The following P3H2 variants were observed in gnomAD, a reference collection of about 807,000 sequenced individuals.
The protein encoded by P3H2 is leprecan-like 1.
A neutral mutation model predicts 87.0 loss-of-function variants in P3H2; 80 were observed. That is an observed-to-expected ratio of 0.92 (90% CI 0.77 to 1.11). The LOEUF (loss-of-function observed/expected upper bound fraction) is 1.11, where lower values mean the gene tolerates loss of function less well. Among genes scored for constraint, P3H2 ranks in the 50% least tolerant of loss-of-function variants. The pLI is 0.00. For synonymous variants in P3H2, 367 were observed against 359.3 expected, an observed-to-expected ratio of 1.02 and a Z score of -0.24; for missense variants, 1,001 against 923.9, an observed-to-expected ratio of 1.08 and a Z score of -1.08.
intron 1 of P3H2, among the ~76,000 whole-genome samples, 196 bp downstream of exon 1, chr3:190,120,046 GAAAGAGAGAA>G (rs770237805): frequency 1.4e-4 from 22 of 152,342 alleles, no homozygotes; most frequent in Admixed American, 3.3e-4. Context: ...CTGGCTCTGA[GAAAGAGAGAA>G]AAAGACTTGT....
At chr3:190,052,186 C>A (rs1726004099) in intron 1 of P3H2, among the ~76,000 whole-genome samples, 1 of 152,124 alleles carries the variant, frequency 6.6e-6, no homozygotes, top group Non-Finnish European at 1.5e-5. Flanking sequence ...ACCTGTCATT[C>A]AGGTTCTAAG....
At chr3:189,988,120 G>T (rs1004979970) in intron 4 of P3H2, among the ~76,000 whole-genome samples, 5 of 152,146 alleles carry the variant, frequency 3.3e-5, no homozygotes, top group African/African-American at 1.2e-4. Flanking sequence ...GCAGTTTGTG[G>T]TAAACTGGTA....
rs1025379221 is a variant in P3H2, at chr3:189,969,229, G to C, written c.1893+1587C>G. 6.6e-6 allele frequency: 5 copies of C among 752,914 alleles called. No homozygotes were observed. In the Middle Eastern group the frequency reaches 7.1e-4, roughly 107 times the overall value. 46.6% of individuals were successfully genotyped at this position (752,914 alleles called of 1,614,324 possible). On this transcript the variant is annotated intron_variant, in intron 13 of 14. Transcript: ENST00000319332. The stretch of plus-strand genomic sequence containing the variant: ...ATAATCTGTCACCATGGCAATACTC[G>C]CATAACAAATTCCAGCCTCTTTAGT...
Position 190,104,043 on chromosome 3 carries a change from C to T in P3H2, c.480+16209G>A, listed in dbSNP as rs370753374. On this transcript the variant is annotated intron_variant, in intron 1 of 14. Coordinates refer to ENST00000319332, the MANE Select transcript of P3H2 (RefSeq NM_018192.4). ...ATGACCTCAAGTGATCTGCCAGCCT[C>T]GGCTTCCCAAAGTGCTGGAATTGCA... Among the ~76,000 whole-genome samples, 6 of 152,164 alleles carry T rather than the reference C, an allele frequency of 3.9e-5. No individual in the cohort carries two copies. In the East Asian group the frequency reaches 5.8e-4, roughly 15 times the overall value.
At chr3:189,999,683 C>T (rs1405906792) in intron 1 of P3H2, among the ~76,000 whole-genome samples, 1 of 152,002 alleles carries the variant, frequency 6.6e-6, no homozygotes, top group African/African-American at 2.4e-5. Context: ...GCGAGTAAGT[C>T]TAATATGGGG....
At position 189,964,020 on chromosome 3, in the gene P3H2, T is replaced by C; in HGVS notation, c.1972A>G (p.Thr658Ala). The C allele has an allele frequency of 6.2e-7, 1 of 1,614,204 alleles. No individual in the cohort carries two copies. Among genetic ancestry groups the C allele is most frequent in the East Asian group, 2.2e-5 (1 of 44,882 alleles). ...GCCACAGCACACCTCTTTCCCTTGG[T>C]GACTGCCTTCACCCCATGAGGGTTC... ...GENPHGVKAV[T>A]KGKRCAVALW... The change falls in exon 14 of 15, where the codon ACC (threonine) becomes GCC (alanine). Residue 658 changes from threonine (T) to alanine (A), a missense_variant. By Grantham distance (58) the Thr-to-Ala change is moderately conservative. Coordinates refer to ENST00000319332, the MANE Select transcript of P3H2 (RefSeq NM_018192.4).
At chr3:190,003,331 C>G (rs552862509) in intron 1 of P3H2, among the ~76,000 whole-genome samples, 7 of 152,258 alleles carry the variant, frequency 4.6e-5, no homozygotes, top group African/African-American at 1.4e-4. Flanking sequence ...TGAGGATACT[C>G]TTAGGAGCTC....
At position 190,083,375 on chromosome 3, in the gene P3H2, A is replaced by G. The variant is rs181751747; in HGVS notation, c.480+36877T>C. Among the ~76,000 whole-genome samples, 25 of 152,310 alleles carry G rather than the reference A, an allele frequency of 1.6e-4. No homozygotes were observed. The East Asian group carries it at 4.6e-3, about 28-fold the overall frequency. On this transcript the variant is annotated intron_variant, in intron 1 of 14. Transcript: ENST00000319332. ...AAAATCCACACCCTTTCTATTTTGG[A>G]TAAGGAAAAGACTCAACTCCTGGTG...
Position 190,062,295 on chromosome 3 carries a change from T to C in P3H2, c.480+57957A>G, listed in dbSNP as rs79112995. ...CCTTATAATTACCTGTCTTTTGGCATCTCCTAATTCTGTGTCCTATATCAT... is the reference window on the plus strand; with the variant it reads ...CCTTATAATTACCTGTCTTTTGGCACCTCCTAATTCTGTGTCCTATATCAT... On this transcript the variant is annotated intron_variant, in intron 1 of 14. Transcript: ENST00000319332. Among the ~76,000 whole-genome samples the C allele has an allele frequency of 7.0e-3, 1,067 of 152,228 alleles. 4 individuals carry two copies. Among genetic ancestry groups the C allele is most frequent in the East Asian group, 0.025 (129 of 5,188 alleles).
At chr3:190,065,455 G>A (rs976361670) in intron 1 of P3H2, among the ~76,000 whole-genome samples, 6 of 152,050 alleles carry the variant, frequency 3.9e-5, no homozygotes, top group South Asian at 2.1e-4. Flanking sequence ...AACTTTATAT[G>A]AGAAATAAAC....
chr3:189,959,847 G>A (rs1192026353), intron 14 of P3H2, among the ~76,000 whole-genome samples: 3 of 148,904 alleles, frequency 2.0e-5, no homozygotes, highest in African/African-American at 5.0e-5. Context: ...AACTCTCCAG[G>A]ACTGGAGGAG....
At chr3:189,973,115 A>ATT in intron 10 of P3H2, 91 bp from the exon 11 acceptor site, 1 of 1,183,772 alleles carries the variant, frequency 8.4e-7, no homozygotes, top group Non-Finnish European at 1.2e-6. Context: ...CCAATATAGG[A>ATT]TTGTCATGTC....
chr3:189,983,378 TG>T, intron 7 of P3H2: 1 of 532,696 alleles, frequency 1.9e-6, no homozygotes, highest in Middle Eastern at 5.1e-4. Context: ...TACAATTAAT[TG>T]TATGCATAAC....
chr3:190,095,414 T>C (rs1405761384), intron 1 of P3H2, among the ~76,000 whole-genome samples: 2 of 143,474 alleles, frequency 1.4e-5, no homozygotes, highest in Non-Finnish European at 3.0e-5. Flanking sequence ...TATACAATGT[T>C]CAACATTTTG....
chr3:190,036,123 C>A (rs1010527339), intron 1 of P3H2, among the ~76,000 whole-genome samples: 1 of 152,154 alleles, frequency 6.6e-6, no homozygotes, highest in East Asian at 1.9e-4. Flanking sequence ...TTGCCACCAC[C>A]ATCTCCTTCC....
At position 189,983,046 on chromosome 3, in the gene P3H2, C is replaced by T; in HGVS notation, c.1324G>A (p.Gly442Ser). ...AGGGTAAAAGTGCACAGCTACTTAC[C>T]TTCTCTTAGGTCTCGATCTATCTTG... ...SPKIDRDLRE[G>S]GPLLYENITF... Residue 442 changes from glycine to serine, a missense_variant and splice_region_variant, in exon 8 of 15, where the codon GGT becomes AGT. Transcript: ENST00000319332. 1 of 1,611,312 alleles carries T rather than the reference C, an allele frequency of 6.2e-7. No individual in the cohort carries two copies. Among genetic ancestry groups the T allele is most frequent in the Non-Finnish European group, 8.5e-7 (1 of 1,177,490 alleles).
chr3:190,046,870 A>G (rs946451045), intron 1 of P3H2, among the ~76,000 whole-genome samples: 2 of 152,166 alleles, frequency 1.3e-5, no homozygotes, highest in African/African-American at 4.8e-5. Flanking sequence ...CAGGTAACCA[A>G]AACAAAAATT....
chr3:189,989,398 G>T (rs1723808588), intron 3 of P3H2, among the ~76,000 whole-genome samples: 1 of 151,962 alleles, frequency 6.6e-6, no homozygotes, highest in African/African-American at 2.4e-5. Context: ...GTCTCTCTTT[G>T]GATATCTTGG....
chr3:190,056,110 C>T (rs1039160388), intron 1 of P3H2, among the ~76,000 whole-genome samples: 1 of 152,162 alleles, frequency 6.6e-6, no homozygotes, highest in African/African-American at 2.4e-5. Context: ...CTCTCTCTGC[C>T]TCTCACATGG....
Sources: gnomAD v4.1 joint callset for allele counts (sites outside exome capture counted in the v4.1 genomes callset) on GRCh38, gnomAD v4.1.1 for gene constraint, MANE v1.5 for transcripts, NCBI Gene and HGNC (gene_info 2026-07-23, HGNC 2026-07-21) for gene names.